Variants in MTUS2 observed in about 807,000 individuals in gnomAD.
MTUS2 encodes the protein microtubule-associated tumor suppressor candidate 2.
MTUS2 carries 40 observed loss-of-function variants against 114.1 expected under a neutral mutation model. The observed-to-expected ratio is 0.35, with a 90% confidence interval of 0.27 to 0.46. The LOEUF is 0.46. Ranked by LOEUF, MTUS2 falls within the 20% of genes least tolerant of loss-of-function variation. MTUS2 has a pLI of 1.00. For missense variants in MTUS2, 1,679 were observed against 1,705.4 expected (o/e 0.98, Z 0.27); for synonymous variants, 688 against 672.0 (o/e 1.02, Z -0.37).
At chr13:29,271,830 A>G (rs1230836440) in intron 5 of MTUS2, among the ~76,000 whole-genome samples, 1 of 152,234 alleles carries the variant, frequency 6.6e-6, no homozygotes, top group Non-Finnish European at 1.5e-5. Flanking sequence ...ACAGTGCCTC[A>G]AACATCAAGG....
intron 2 of MTUS2, among the ~76,000 whole-genome samples, chr13:28,911,094 C>G (rs566635349): frequency 6.8e-6 from 1 of 147,992 alleles, no homozygotes; most frequent in African/African-American, 2.5e-5. Flanking sequence ...CCAGGATGGT[C>G]TTGATCTCCT....
In MTUS2 at chr13:29,369,386, G is replaced by C. The variant is rs565870561; in HGVS notation, c.3117+9913G>C. 3.3e-5 allele frequency among the ~76,000 whole-genome samples: 5 copies of C among 152,264 alleles called. No homozygotes were observed. In the East Asian group the frequency reaches 9.7e-4, roughly 29 times the overall value. On this transcript the variant is annotated intron_variant, in intron 8 of 15. Coordinates refer to ENST00000612955, the MANE Select transcript of MTUS2 (RefSeq NM_001033602.4). ...ATGTCAAGTATTACCTTAAATTCCA[G>C]AGAGTTTTACAGAAAGCAAATGCCG...
At chr13:28,982,253 A>AT (rs755939622) in intron 2 of MTUS2, among the ~76,000 whole-genome samples, 1 of 152,156 alleles carries the variant, frequency 6.6e-6, no homozygotes, top group African/African-American at 2.4e-5. Flanking sequence ...AAGAGTCAAA[A>AT]TCAGAAGAAT....
chr13:29,100,251 T>C (rs1343092213), intron 4 of MTUS2, among the ~76,000 whole-genome samples: 2 of 152,206 alleles, frequency 1.3e-5, no homozygotes, highest in Non-Finnish European at 2.9e-5. Flanking sequence ...CAGTCTGCAC[T>C]ATCTCCTCCT....
At chr13:28,858,596 A>G (rs2138057266) in intron 2 of MTUS2, among the ~76,000 whole-genome samples, 1 of 152,208 alleles carries the variant, frequency 6.6e-6, no homozygotes, top group Middle Eastern at 3.4e-3. Flanking sequence ...CCCACCATCT[A>G]TCCCCCACCC....
chr13:28,880,523 G>A (rs1249121045), intron 2 of MTUS2, among the ~76,000 whole-genome samples: 1 of 152,066 alleles, frequency 6.6e-6, no homozygotes, highest in East Asian at 1.9e-4. Flanking sequence ...AAAAGCAAAG[G>A]TTATAATAAA....
intron 5 of MTUS2, among the ~76,000 whole-genome samples, chr13:29,224,325 G>A (rs921158191): frequency 6.6e-6 from 1 of 152,058 alleles, no homozygotes; most frequent in Non-Finnish European, 1.5e-5. Context: ...AGTCCTGAGT[G>A]CTTTACATTT....
At chr13:29,071,428 T>A (rs1888927489) in intron 4 of MTUS2, among the ~76,000 whole-genome samples, 1 of 107,442 alleles carries the variant, frequency 9.3e-6, no homozygotes, top group Non-Finnish European at 1.9e-5. Context: ...TTTTTTTTTT[T>A]TTTTTTTTTT....
intron 6 of MTUS2, among the ~76,000 whole-genome samples, chr13:29,300,021 G>C (rs1020227299): frequency 2.0e-5 from 3 of 152,118 alleles, no homozygotes; most frequent in African/African-American, 7.2e-5. Flanking sequence ...AAATTAAGTG[G>C]CTCAGGGTGC....
intron 5 of MTUS2, among the ~76,000 whole-genome samples, chr13:29,222,073 G>A (rs954160922): frequency 1.3e-5 from 2 of 152,116 alleles, no homozygotes; most frequent in Non-Finnish European, 2.9e-5. Flanking sequence ...TCAGCCTTCC[G>A]AGTAGTGGGA....
At chr13:29,103,115 T>A (rs115780074) in intron 5 of MTUS2, among the ~76,000 whole-genome samples, 1,709 of 152,306 alleles carry the variant, frequency 0.011, 30 homozygotes, top group African/African-American at 0.039. Flanking sequence ...ATAGGATTCA[T>A]TTAAGGAATA....
chr13:29,259,041 A>C (rs1897374588), intron 5 of MTUS2, among the ~76,000 whole-genome samples: 1 of 152,274 alleles, frequency 6.6e-6, no homozygotes, highest in South Asian at 2.1e-4. Context: ...TTCTATGAAT[A>C]ATAGATACTT....
intron 2 of MTUS2, among the ~76,000 whole-genome samples, chr13:28,875,626 C>T (rs1292333285): frequency 6.6e-6 from 1 of 152,062 alleles, no homozygotes; most frequent in Non-Finnish European, 1.5e-5. Flanking sequence ...TAGCCTCTTC[C>T]CAGGGAGAAA....
At chr13:29,038,910 C>T (rs1452364914) in intron 4 of MTUS2, among the ~76,000 whole-genome samples, 2 of 152,224 alleles carry the variant, frequency 1.3e-5, no homozygotes, top group African/African-American at 2.4e-5. Flanking sequence ...CACCAGGCTG[C>T]GGGCGGGCCT....
chr13:28,971,175 C>G (rs1054626655), intron 2 of MTUS2, among the ~76,000 whole-genome samples: 12 of 152,124 alleles, frequency 7.9e-5, no homozygotes, highest in Non-Finnish European at 1.8e-4. Context: ...ATTTCAGTCA[C>G]TTGAAAACAT....
At chr13:29,487,728 C>T (rs1881731375) in intron 10 of MTUS2, 172 bp from the exon 11 acceptor site, 1 of 624,294 alleles carries the variant, frequency 1.6e-6, no homozygotes, top group Non-Finnish European at 2.9e-6. Context: ...CAGTGACCTC[C>T]CCGTGATTCC....
chr13:28,894,596 A>G (rs1011502945), intron 2 of MTUS2, among the ~76,000 whole-genome samples: 2 of 152,218 alleles, frequency 1.3e-5, no homozygotes, highest in African/African-American at 2.4e-5. Context: ...CAGTGCTACC[A>G]TGTGCAAAAC....
At chr13:28,891,826 C>T (rs927253496) in intron 2 of MTUS2, among the ~76,000 whole-genome samples, 3 of 131,280 alleles carry the variant, frequency 2.3e-5, no homozygotes, top group East Asian at 2.3e-4. Flanking sequence ...TGCAGTGAGC[C>T]GAGATCACGC....
intron 7 of MTUS2, among the ~76,000 whole-genome samples, chr13:29,334,505 C>A (rs1046236546): frequency 3.3e-5 from 5 of 152,144 alleles, no homozygotes; most frequent in African/African-American, 1.2e-4. Context: ...AAAATATTTT[C>A]TTTAAGCATG....
Sources: gnomAD v4.1 joint callset for allele counts (sites outside exome capture counted in the v4.1 genomes callset) on GRCh38, gnomAD v4.1.1 for gene constraint, MANE v1.5 for transcripts, NCBI Gene and HGNC (gene_info 2026-07-23, HGNC 2026-07-21) for gene names.